MCF2L2: variants seen among roughly 807,000 people sequenced by gnomAD.
MCF2L2 encodes the protein MCF.2 cell line derived transforming sequence-like 2.
MCF2L2 carries 102 observed loss-of-function variants against 150.2 expected under a neutral mutation model. The observed-to-expected ratio is 0.68, with a 90% CI of 0.58 to 0.80. The LOEUF is 0.80. Among genes scored for constraint, MCF2L2 ranks in the 30% least tolerant of loss-of-function variants. The pLI is 0.00. For missense variants in MCF2L2, 1,256 were observed against 1,372.8 expected (o/e 0.91, Z 1.34); for synonymous variants, 465 against 491.3 (o/e 0.95, Z 0.71).
intron 1 of MCF2L2, among the ~76,000 whole-genome samples, chr3:183,407,731 A>G (rs1471587090): frequency 6.6e-6 from 1 of 152,212 alleles, no homozygotes; most frequent in Non-Finnish European, 1.5e-5. Flanking sequence ...GAATATGTCA[A>G]GGTCTAAAAT....
chr3:183,322,420 CCT>C (rs1437406810), intron 6 of MCF2L2, among the ~76,000 whole-genome samples: 3 of 152,042 alleles, frequency 2.0e-5, no homozygotes, highest in African/African-American at 7.3e-5. Flanking sequence ...CAGCGGAGTC[CCT>C]GACGACCCAC....
intron 1 of MCF2L2, among the ~76,000 whole-genome samples, chr3:183,391,444 A>T (rs914503488): frequency 1.3e-5 from 2 of 152,120 alleles, no homozygotes; most frequent in East Asian, 3.9e-4. Flanking sequence ...CTCCTTCGTC[A>T]CTGTTCATTC....
chr3:183,325,105 C>T (rs768093244), intron 5 of MCF2L2, among the ~76,000 whole-genome samples: 20 of 104,124 alleles, frequency 1.9e-4, no homozygotes, highest in Admixed American at 3.0e-4. Flanking sequence ...CATCATACTC[C>T]GGGGACTGTT....
Position 183,219,874 on chromosome 3 carries a change from T to C in MCF2L2, c.2352A>G (p.Glu784=), listed in dbSNP as rs779422014. ...SPEDMEIDPG[E]LGGSAKDGPK... is the part of the protein sequence containing the mutation. ...TGAGTACCTTAGCCGAGCCTCCTAGTTCACCTGGGTCTATCTCCATATCTT... is the reference window on the plus strand; with the variant it reads ...TGAGTACCTTAGCCGAGCCTCCTAGCTCACCTGGGTCTATCTCCATATCTT... The change falls in exon 21 of 30, where the codon GAA becomes GAG. Residue 784 remains glutamate (E), a synonymous_variant. Coordinates refer to ENST00000328913, the MANE Select transcript of MCF2L2 (RefSeq NM_015078.4). The C allele has an allele frequency of 8.7e-6, 14 of 1,612,956 alleles. No homozygotes were observed. The Admixed American group carries it at 1.7e-4, about 19-fold the overall frequency.
intron 12 of MCF2L2, 153 bp downstream of exon 12, chr3:183,296,823 G>A (rs969993890): frequency 1.7e-5 from 12 of 720,124 alleles, no homozygotes; most frequent in Non-Finnish European, 2.7e-5. Flanking sequence ...CAGGCCGAGA[G>A]TCTAAGAGGC....
chr3:183,355,069 T>C (rs990347710), intron 3 of MCF2L2, among the ~76,000 whole-genome samples: 18 of 150,298 alleles, frequency 1.2e-4, no homozygotes, highest in African/African-American at 4.4e-4. Context: ...TTATTTATTA[T>C]TCATTATATT....
rs1726907419 is a variant in MCF2L2 at position 183,272,941 on chromosome 3, T to G, written c.1862+3931A>C. 20 of 1,408,282 alleles carry G rather than the reference T, an allele frequency of 1.4e-5. 1 individual carries two copies. The South Asian group carries it at 3.1e-4, about 22-fold the overall frequency. 87.2% of individuals were successfully genotyped at this position (1,408,282 alleles called of 1,614,324 possible). A position where few individuals can be genotyped will look rare whatever the true frequency, so the allele number is the denominator to read the frequency against. On this transcript the variant is annotated intron_variant, in intron 15 of 29. Transcript: ENST00000328913. ...TTCTGAACTGTGTCCTTTTAATTTT[T>G]GCTTAGAATAGAATGGAACAAGTTT...
At chr3:183,220,644 A>AC (rs2108661065) in intron 20 of MCF2L2, among the ~76,000 whole-genome samples, 1 of 152,340 alleles carries the variant, frequency 6.6e-6, no homozygotes, top group Non-Finnish European at 1.5e-5. Context: ...CCAGCTGTAT[A>AC]GGAAAGCCTG....
At chr3:183,378,176 T>C (rs1713302783) in intron 3 of MCF2L2, 1 of 152,000 alleles carries the variant, frequency 6.6e-6, no homozygotes, top group African/African-American at 2.4e-5. Context: ...AGAAGGCAGG[T>C]GGAAAGCAGG....
intron 1 of MCF2L2, among the ~76,000 whole-genome samples, chr3:183,422,142 T>G (rs1329796491): frequency 2.6e-5 from 4 of 152,182 alleles, no homozygotes; most frequent in African/African-American, 9.7e-5. Context: ...TCCATATAAC[T>G]CTAGTTGCCT....
chr3:183,352,936 CTT>C (rs1711560735), intron 3 of MCF2L2, among the ~76,000 whole-genome samples: 1 of 151,986 alleles, frequency 6.6e-6, no homozygotes, highest in Non-Finnish European at 1.5e-5. Flanking sequence ...TAGATAATAA[CTT>C]AACCATTTCA....
intron 14 of MCF2L2, among the ~76,000 whole-genome samples, chr3:183,284,700 T>C (rs1211805784): frequency 1.4e-5 from 2 of 145,062 alleles, no homozygotes; most frequent in African/African-American, 5.3e-5. Flanking sequence ...AGACTCTGTC[T>C]CCAAAAAAAA....
intron 1 of MCF2L2, among the ~76,000 whole-genome samples, chr3:183,413,007 T>G (rs746030058): frequency 6.6e-6 from 1 of 152,256 alleles, no homozygotes; most frequent in Non-Finnish European, 1.5e-5. Context: ...CTTTGTTCTA[T>G]TGATACATGT....
intron 3 of MCF2L2, among the ~76,000 whole-genome samples, chr3:183,349,362 T>C (rs373315083): frequency 6.6e-6 from 1 of 152,250 alleles, no homozygotes; most frequent in Non-Finnish European, 1.5e-5. Context: ...CTTTTATCTA[T>C]ATCACATGAA....
intron 10 of MCF2L2, 67 bp from the exon 11 acceptor site, chr3:183,300,263 T>A: frequency 7.2e-7 from 1 of 1,389,680 alleles, no homozygotes; most frequent in Admixed American, 2.6e-5. Context: ...AGCTGCCTGG[T>A]ACTGTGTGCT....
rs537373069 is a variant in MCF2L2, at chr3:183,248,170, G to C, written c.1863-17153C>G. 7.0e-4 allele frequency among the ~76,000 whole-genome samples: 107 copies of C among 152,148 alleles called. 2 individuals carry two copies. The highest frequency in any genetic ancestry group is 1.5e-4 in the Non-Finnish European group (10 of 67,996). Reference sequence around the variant, plus strand: ...ATATGATGCAAACATCTCTCTCAGAGATGTTGCTCTCTCTTCCTAGGATTC... The same window carrying C: ...ATATGATGCAAACATCTCTCTCAGACATGTTGCTCTCTCTTCCTAGGATTC... On this transcript the variant is annotated intron_variant, in intron 15 of 29. Transcript: ENST00000328913.
chr3:183,357,472 T>C (rs144252399), intron 3 of MCF2L2, among the ~76,000 whole-genome samples: 68 of 152,158 alleles, frequency 4.5e-4, no homozygotes, highest in African/African-American at 1.6e-3. Context: ...AATCCAAAGA[T>C]CCAAAATCCA....
intron 15 of MCF2L2, among the ~76,000 whole-genome samples, chr3:183,257,942 C>G (rs1725198232): frequency 6.8e-6 from 1 of 146,488 alleles, no homozygotes; most frequent in South Asian, 2.2e-4. Flanking sequence ...TTATTCCTTG[C>G]TCCCTCCACT....
At chr3:183,355,494 T>C (rs997696785) in intron 3 of MCF2L2, among the ~76,000 whole-genome samples, 2 of 150,674 alleles carry the variant, frequency 1.3e-5, no homozygotes, top group Admixed American at 6.6e-5. Context: ...GTCGCATAGG[T>C]GGAGTGCCGT....
Sources: allele counts gnomAD v4.1 joint callset (sites outside exome capture counted in the v4.1 genomes callset), GRCh38; gene constraint gnomAD v4.1.1; transcripts MANE v1.5; gene names NCBI Gene and HGNC (gene_info 2026-07-23, HGNC 2026-07-21).